Variants in SLC9D1 observed in about 807,000 individuals in gnomAD.
SLC9D1 encodes the protein putative LAG1-interacting protein.
the SLC9D1 span, among the ~76,000 whole-genome samples, chr13:113,496,781 A>G: frequency 3.3e-5 from 5 of 152,212 alleles, no homozygotes; most frequent in Non-Finnish European, 5.9e-5. Context: ...TATCAGGCAA[A>G]TGTATAAATC....
At chr13:113,533,945 A>G in the SLC9D1 span, 7,459 of 865,262 alleles carry the variant, frequency 8.6e-3, 199 homozygotes, top group African/African-American at 0.071. Flanking sequence ...CAGGTAATTT[A>G]TTTTGTAGCA....
the SLC9D1 span, chr13:113,549,857 G>A: frequency 3.5e-6 from 2 of 564,054 alleles, no homozygotes. Context: ...TCTATTGTGA[G>A]TTCATCAGTT....
the SLC9D1 span, among the ~76,000 whole-genome samples, chr13:113,507,458 G>A: frequency 1.3e-5 from 2 of 152,308 alleles, no homozygotes; most frequent in Non-Finnish European, 2.9e-5. Flanking sequence ...TTATGGGTGG[G>A]AAAATAATTT....
chr13:113,521,054 A>G, the SLC9D1 span, among the ~76,000 whole-genome samples: 2 of 152,150 alleles, frequency 1.3e-5, no homozygotes, highest in African/African-American at 4.8e-5. Context: ...CCAGAACGTA[A>G]TAAGTGATGT....
the SLC9D1 span, among the ~76,000 whole-genome samples, chr13:113,532,280 A>T: frequency 1.3e-5 from 2 of 152,178 alleles, no homozygotes; most frequent in Non-Finnish European, 2.9e-5. Flanking sequence ...CAGGAAGAGG[A>T]GCTGGTGAGC....
At chr13:113,538,301 T>C in the SLC9D1 span, among the ~76,000 whole-genome samples, 1 of 152,124 alleles carries the variant, frequency 6.6e-6, no homozygotes, top group African/African-American at 2.4e-5. Flanking sequence ...CCGTGGCACA[T>C]GTGCGTGTGT....
the SLC9D1 span, among the ~76,000 whole-genome samples, chr13:113,522,144 C>G: frequency 2.0e-4 from 31 of 152,280 alleles, no homozygotes; most frequent in African/African-American, 7.5e-4. Flanking sequence ...CTTTGCCTTG[C>G]TCTTGGGAAG....
the SLC9D1 span, chr13:113,534,174 G>A: frequency 1.2e-6 from 2 of 1,613,894 alleles, no homozygotes. Context: ...AGCTGCACAT[G>A]GAAAGCAAGG....
At chr13:113,532,225 A>G in the SLC9D1 span, among the ~76,000 whole-genome samples, 1 of 152,226 alleles carries the variant, frequency 6.6e-6, no homozygotes, top group Non-Finnish European at 1.5e-5. Context: ...AATGAGTGGT[A>G]GACAAGACAT....
the SLC9D1 span, chr13:113,510,551 A>T: frequency 1.2e-6 from 1 of 823,630 alleles, no homozygotes; most frequent in Non-Finnish European, 1.9e-6. Context: ...GACTTTCCTA[A>T]CCATGGTGGA....
At chr13:113,515,213 C>G in the SLC9D1 span, among the ~76,000 whole-genome samples, 1 of 152,080 alleles carries the variant, frequency 6.6e-6, no homozygotes, top group Admixed American at 6.6e-5. Flanking sequence ...TTTTTAGTAG[C>G]AAAAAATTAA....
the SLC9D1 span, among the ~76,000 whole-genome samples, chr13:113,533,493 G>A: frequency 6.6e-6 from 1 of 152,186 alleles, no homozygotes; most frequent in African/African-American, 2.4e-5. Context: ...TGTGAAGACG[G>A]CAGATAGTGG....
At chr13:113,506,768 T>C in the SLC9D1 span, among the ~76,000 whole-genome samples, 1 of 152,196 alleles carries the variant, frequency 6.6e-6, no homozygotes, top group African/African-American at 2.4e-5. Flanking sequence ...TCATAGTTTG[T>C]ATTTTTCTCC....
the SLC9D1 span, among the ~76,000 whole-genome samples, chr13:113,540,216 T>C: frequency 2.0e-5 from 3 of 152,334 alleles, no homozygotes; most frequent in Admixed American, 6.5e-5. Context: ...TGCGTGTGTC[T>C]TTATGGCAGA....
the SLC9D1 span, among the ~76,000 whole-genome samples, chr13:113,521,783 A>T: frequency 2.6e-5 from 4 of 152,330 alleles, no homozygotes; most frequent in South Asian, 8.3e-4. Context: ...CAGCCAGAAA[A>T]TAAGGACAGT....
At chr13:113,511,721 T>A in the SLC9D1 span, 2 of 152,130 alleles carry the variant, frequency 1.3e-5, no homozygotes, top group African/African-American at 4.8e-5. Context: ...AAAGACCAAG[T>A]GGGGACCAGG....
the SLC9D1 span, chr13:113,539,462 G>A: frequency 3.7e-6 from 6 of 1,613,480 alleles, no homozygotes; most frequent in East Asian, 4.5e-5. The surrounding 1 kb of genome is among the most constrained non-coding windows in gnomAD (Gnocchi z 4.8). Context: ...CACCTCCATC[G>A]AACCCATCCG....
the SLC9D1 span, among the ~76,000 whole-genome samples, chr13:113,496,883 C>T: frequency 1.3e-5 from 2 of 152,202 alleles, no homozygotes; most frequent in South Asian, 4.1e-4. Flanking sequence ...CGTGAAGATA[C>T]ATTGGTAAGG....
the SLC9D1 span, among the ~76,000 whole-genome samples, chr13:113,518,698 AG>A: frequency 6.6e-6 from 1 of 152,202 alleles, no homozygotes; most frequent in African/African-American, 2.4e-5. Flanking sequence ...TGCGAGCCTT[AG>A]GGTGAAAATC....
Sources: gnomAD v4.1 joint callset for allele counts (sites outside exome capture counted in the v4.1 genomes callset) on GRCh38, gnomAD v4.1.1 for gene constraint, Gnocchi (gnomAD v3.1) non-coding constraint, MANE v1.5 for transcripts, NCBI Gene and HGNC (gene_info 2026-07-23, HGNC 2026-07-21) for gene names.